DSTN: variants seen among roughly 807,000 people sequenced by gnomAD.
The protein encoded by DSTN is destrin.
DSTN carries 10 observed loss-of-function variants against 16.8 expected under a neutral mutation model. The observed-to-expected ratio is 0.60, with a 90% CI of 0.37 to 1.01. The LOEUF (loss-of-function observed/expected upper bound fraction) is 1.01, where lower values mean the gene tolerates loss of function less well. DSTN is among the 50% of genes least tolerant of loss of function. DSTN has a pLI of 0.01. For missense variants in DSTN, 141 were observed against 196.7 expected, an observed-to-expected ratio of 0.72 and a Z score of 1.69; for synonymous variants, 57 against 58.9, an observed-to-expected ratio of 0.97 and a Z score of 0.14.
intron 3 of DSTN, among the ~76,000 whole-genome samples, chr20:17,605,547 C>T (rs913912621): frequency 3.3e-5 from 5 of 151,770 alleles, no homozygotes; most frequent in African/African-American, 4.8e-5. Context: ...TTACTTAGTT[C>T]GGAAAAAAAA....
chr20:17,570,205 G>A lies in DSTN; in HGVS notation c.-4G>A. 6.6e-7 allele frequency: 1 copy of A among 1,519,548 alleles called. No individual in the cohort carries two copies. The highest frequency in any genetic ancestry group is 8.8e-7 in the Non-Finnish European group (1 of 1,137,586). The allele number at this position is 1,519,548 out of a possible 1,614,324, so 94.1% of individuals were successfully genotyped here. A position where few individuals can be genotyped will look rare whatever the true frequency, so the allele number is the denominator to read the frequency against. ...CCCGCGTCCCTGCGACCGCCGCGGC[G>A]AAGATGGTGAGTAGGAGGGAGGCCG... On this transcript the variant is annotated 5_prime_UTR_variant, in exon 1 of 4. Transcript: ENST00000246069.
chr20:17,583,036 A>G (rs1422413940), intron 1 of DSTN, among the ~76,000 whole-genome samples: 1 of 152,228 alleles, frequency 6.6e-6, no homozygotes, highest in Non-Finnish European at 1.5e-5. Flanking sequence ...TGTTTGGGCA[A>G]AGGATTTGAA....
Position 17,570,534 on chromosome 20 carries a change from C to T in DSTN, c.3+323C>T, listed in dbSNP as rs1353461360. The stretch of plus-strand genomic sequence containing the variant: ...ACTGGCTGGGGTCGAGCGCCCCCAC[C>T]CGCTCTGTGAAATCCATCCGGGGGT... On this transcript the variant is annotated intron_variant, in intron 1 of 3. Transcript: ENST00000246069. Among the ~76,000 whole-genome samples, 5 of 152,182 alleles carry T rather than the reference C, an allele frequency of 3.3e-5. No homozygotes were observed. In the East Asian group the frequency reaches 9.7e-4, roughly 29 times the overall value.
chr20:17,571,505 G>A (rs2035206784), intron 1 of DSTN, among the ~76,000 whole-genome samples: 1 of 152,192 alleles, frequency 6.6e-6, no homozygotes, highest in Non-Finnish European at 1.5e-5. Context: ...AATGCTGTAA[G>A]CTACAAAGTA....
intron 1 of DSTN, among the ~76,000 whole-genome samples, chr20:17,575,313 T>C (rs368733387): frequency 6.6e-6 from 1 of 152,198 alleles, no homozygotes; most frequent in African/African-American, 2.4e-5. Context: ...CTTGCAAGTC[T>C]TGAAAAACTG....
intron 1 of DSTN, among the ~76,000 whole-genome samples, chr20:17,583,731 G>GTTTGTTTTT (rs74172899): frequency 3.6e-5 from 1 of 28,026 alleles, no homozygotes; most frequent in South Asian, 2.0e-3. Context: ...TGGGTTTGGA[G>GTTTGTTTTT]TTTCTTTTTT....
At chr20:17,571,132 C>G (rs1568727287) in intron 1 of DSTN, among the ~76,000 whole-genome samples, 1 of 152,216 alleles carries the variant, frequency 6.6e-6, no homozygotes, top group Non-Finnish European at 1.5e-5. Context: ...CACTGTCACT[C>G]TAATTAGCTA....
chr20:17,603,048 CCTGT>C (rs1410458138), intron 2 of DSTN, among the ~76,000 whole-genome samples: 36 of 152,214 alleles, frequency 2.4e-4, no homozygotes, highest in Non-Finnish European at 4.7e-4. Flanking sequence ...AAGTACCCAC[CCTGT>C]AGCTCAAACA....
Position 17,604,415 on chromosome 20 carries a change from A to C in DSTN, c.312-140A>C, listed in dbSNP as rs1182128092. 6 of 792,602 alleles carry C rather than the reference A, an allele frequency of 7.6e-6. No homozygotes were observed. The Middle Eastern group carries it at 1.9e-3, about 251-fold the overall frequency. The allele number at this position is 792,602 out of a possible 1,614,324, so 49.1% of individuals were successfully genotyped here. Reference sequence around the variant, plus strand: ...CCTCTCTGAGCTGCTGGGGAGGTAGAAAAAATGTGCAGTTAAGAAAAAATA... The same window carrying C: ...CCTCTCTGAGCTGCTGGGGAGGTAGCAAAAATGTGCAGTTAAGAAAAAATA... On this transcript the variant is annotated intron_variant, in intron 2 of 3. Transcript: ENST00000246069.
At chr20:17,589,541 G>A (rs960071058) in intron 1 of DSTN, among the ~76,000 whole-genome samples, 2 of 152,180 alleles carry the variant, frequency 1.3e-5, no homozygotes, top group African/African-American at 4.8e-5. Flanking sequence ...GTGAGGCCCT[G>A]AACACTTCTG....
chr20:17,606,948 G>A, intron 3 of DSTN, 89 bp from the exon 4 acceptor site: 1 of 1,265,084 alleles, frequency 7.9e-7, no homozygotes, highest in Admixed American at 1.9e-5. Context: ...ATCCAGATTA[G>A]AACTGGTCTT....
At chr20:17,598,201 A>G (rs2035549093) in intron 1 of DSTN, among the ~76,000 whole-genome samples, 1 of 152,168 alleles carries the variant, frequency 6.6e-6, no homozygotes, top group Non-Finnish European at 1.5e-5. Context: ...TCTTGAGTAT[A>G]TATACCTAAG....
At chr20:17,597,031 G>A (rs533978031) in intron 1 of DSTN, among the ~76,000 whole-genome samples, 1 of 152,282 alleles carries the variant, frequency 6.6e-6, no homozygotes, top group South Asian at 2.1e-4. Flanking sequence ...TCAACATTAT[G>A]GACTAGGGAG....
chr20:17,597,327 T>C (rs976760800), intron 1 of DSTN, among the ~76,000 whole-genome samples: 2 of 152,180 alleles, frequency 1.3e-5, no homozygotes, highest in African/African-American at 4.8e-5. Flanking sequence ...GTAGATGGCA[T>C]TGGAGTGTGT....
chr20:17,587,967 T>G (rs1238518924), intron 1 of DSTN, among the ~76,000 whole-genome samples: 1 of 152,202 alleles, frequency 6.6e-6, no homozygotes, highest in Non-Finnish European at 1.5e-5. Flanking sequence ...AAAAGGGACA[T>G]CTTCACCTTA....
chr20:17,571,136 T>G (rs1398384546), intron 1 of DSTN, among the ~76,000 whole-genome samples: 1 of 152,250 alleles, frequency 6.6e-6, no homozygotes, highest in Non-Finnish European at 1.5e-5. Context: ...GTCACTCTAA[T>G]TAGCTATTTA....
intron 1 of DSTN, among the ~76,000 whole-genome samples, chr20:17,575,281 A>G (rs1301185706): frequency 6.6e-6 from 1 of 152,168 alleles, no homozygotes; most frequent in Non-Finnish European, 1.5e-5. Context: ...GAAGCACACT[A>G]CATTTGAAAT....
intron 1 of DSTN, chr20:17,576,222 A>T (rs1302625750): frequency 1.3e-5 from 2 of 152,238 alleles, no homozygotes; most frequent in Non-Finnish European, 2.9e-5. Flanking sequence ...ATACTGTAAT[A>T]CTTACATGCT....
chr20:17,603,845 T>G (rs1031639705), intron 2 of DSTN, among the ~76,000 whole-genome samples: 4 of 152,210 alleles, frequency 2.6e-5, no homozygotes, highest in African/African-American at 9.7e-5. Flanking sequence ...TCCAGAGAAT[T>G]ATTGAAACGT....
Sources: gnomAD v4.1 joint callset for allele counts (sites outside exome capture counted in the v4.1 genomes callset) on GRCh38, gnomAD v4.1.1 for gene constraint, MANE v1.5 for transcripts, NCBI Gene and HGNC (gene_info 2026-07-23, HGNC 2026-07-21) for gene names.